The following NRG3 variants were observed in gnomAD, a reference collection of about 807,000 sequenced individuals.
The protein encoded by NRG3 is pro-neuregulin-3, membrane-bound isoform.
NRG3 carries 31 observed loss-of-function variants against 66.9 expected under a neutral mutation model. That is an observed-to-expected ratio of 0.46 (90% CI 0.35 to 0.63). The LOEUF is 0.63. Ranked by LOEUF, NRG3 falls within the 20% of genes least tolerant of loss-of-function variation. NRG3 has a pLI of 0.00. For synonymous variants in NRG3, 393 were observed against 359.4 expected (o/e 1.09, Z -1.06); for missense variants, 910 against 878.9 (o/e 1.04, Z -0.45).
intron 1 of NRG3, among the ~76,000 whole-genome samples, chr10:81,972,652 A>G (rs1304292043): frequency 6.6e-6 from 1 of 152,186 alleles, no homozygotes; most frequent in Non-Finnish European, 1.5e-5. Flanking sequence ...AACACAGAGA[A>G]AAAACAATGA....
chr10:81,943,065 C>T (rs1413358582), intron 1 of NRG3, among the ~76,000 whole-genome samples: 1 of 152,130 alleles, frequency 6.6e-6, no homozygotes, highest in Non-Finnish European at 1.5e-5. Context: ...CACTTTACAT[C>T]TCTTATTTAT....
At chr10:82,444,566 GA>G (rs1458939052) in intron 2 of NRG3, among the ~76,000 whole-genome samples, 1 of 152,142 alleles carries the variant, frequency 6.6e-6, no homozygotes, top group Non-Finnish European at 1.5e-5. Context: ...TACTAAGGTG[GA>G]GGGGGGAAAA....
At chr10:82,864,984 G>T (rs906385920) in intron 3 of NRG3, among the ~76,000 whole-genome samples, 1 of 152,060 alleles carries the variant, frequency 6.6e-6, no homozygotes, top group Non-Finnish European at 1.5e-5. Flanking sequence ...GAAATTCCTT[G>T]CTTATTCACT....
At position 82,459,567 on chromosome 10, in the gene NRG3, C is replaced by T. The variant is rs116945618; in HGVS notation, c.953+100699C>T. Among the ~76,000 whole-genome samples the T allele has an allele frequency of 5.7e-3, 864 of 152,224 alleles. 22 individuals are homozygous for T. The highest frequency in any genetic ancestry group is 0.026 in the East Asian group (137 of 5,174). ...CATATCTTCTCTCCCATCTTTCTGCCGGAGAAAAGAAAAACAGTGCTGCTC... is the reference window on the plus strand; with the variant it reads ...CATATCTTCTCTCCCATCTTTCTGCTGGAGAAAAGAAAAACAGTGCTGCTC... On this transcript the variant is annotated intron_variant, in intron 2 of 8. Transcript: ENST00000372141.
chr10:82,251,383 C>A (rs747571156), intron 1 of NRG3, among the ~76,000 whole-genome samples: 1 of 152,154 alleles, frequency 6.6e-6, no homozygotes, highest in Non-Finnish European at 1.5e-5. Flanking sequence ...TCCTGCTGAG[C>A]GACAGGAAGC....
At chr10:82,309,082 A>G (rs942179287) in intron 1 of NRG3, among the ~76,000 whole-genome samples, 1 of 152,218 alleles carries the variant, frequency 6.6e-6, no homozygotes, top group East Asian at 1.9e-4. Flanking sequence ...AATGCAAGAC[A>G]GGTCTTGCCA....
intron 1 of NRG3, among the ~76,000 whole-genome samples, chr10:82,081,356 A>G (rs1409589338): frequency 6.6e-6 from 1 of 152,194 alleles, no homozygotes; most frequent in African/African-American, 2.4e-5. Flanking sequence ...TTACATAGAC[A>G]GAAATGTTCT....
chr10:82,471,970 G>A (rs367797737), intron 2 of NRG3, among the ~76,000 whole-genome samples: 4 of 151,842 alleles, frequency 2.6e-5, no homozygotes, highest in African/African-American at 7.2e-5. Context: ...AAATAACCAA[G>A]CATCTACTGT....
At chr10:82,950,139 T>C (rs1016058181) in intron 4 of NRG3, among the ~76,000 whole-genome samples, 1 of 152,184 alleles carries the variant, frequency 6.6e-6, no homozygotes, top group African/African-American at 2.4e-5. Context: ...CAGTCTGTTT[T>C]TTATTAGGCT....
At chr10:81,983,594 C>T (rs2060415088) in intron 1 of NRG3, among the ~76,000 whole-genome samples, 1 of 152,094 alleles carries the variant, frequency 6.6e-6, no homozygotes, top group Non-Finnish European at 1.5e-5. Flanking sequence ...TAATTACTAC[C>T]TACTGTGTTC....
chr10:82,862,097 T>C (rs2064158586), intron 3 of NRG3, among the ~76,000 whole-genome samples: 1 of 152,118 alleles, frequency 6.6e-6, no homozygotes, highest in South Asian at 2.1e-4. Context: ...TAAAGCTCAG[T>C]GGGCCACTTT....
intron 3 of NRG3, among the ~76,000 whole-genome samples, chr10:82,758,908 T>C (rs1288739993): frequency 6.6e-6 from 1 of 151,648 alleles, no homozygotes; most frequent in Non-Finnish European, 1.5e-5. Flanking sequence ...AAAAGTCCTC[T>C]GTGGTGATAA....
chr10:82,133,705 A>G (rs1361005485), intron 1 of NRG3, among the ~76,000 whole-genome samples: 2 of 152,168 alleles, frequency 1.3e-5, no homozygotes, highest in African/African-American at 2.4e-5. Context: ...TATTGTGAAT[A>G]GTGCTGCAAT....
intron 1 of NRG3, among the ~76,000 whole-genome samples, chr10:82,107,289 A>G (rs1179612982): frequency 6.6e-6 from 1 of 152,208 alleles, no homozygotes; most frequent in East Asian, 1.9e-4. Flanking sequence ...TTAGATTAGG[A>G]TGATTCAACT....
intron 1 of NRG3, among the ~76,000 whole-genome samples, chr10:82,202,929 T>A (rs556635758): frequency 6.6e-6 from 1 of 152,348 alleles, no homozygotes; most frequent in African/African-American, 2.4e-5. Flanking sequence ...AAAGCACATT[T>A]GTGGACAACA....
chr10:82,477,346 T>C (rs1009869252), intron 2 of NRG3, among the ~76,000 whole-genome samples: 8 of 151,880 alleles, frequency 5.3e-5, no homozygotes, highest in Non-Finnish European at 1.2e-4. Context: ...GAGAAATAGG[T>C]TTATTGAGAT....
chr10:81,882,553 C>A (rs1262424224), intron 1 of NRG3, among the ~76,000 whole-genome samples: 1 of 152,094 alleles, frequency 6.6e-6, no homozygotes, highest in African/African-American at 2.4e-5. Context: ...AACTTCCTCC[C>A]CTGGTATAAT....
intron 2 of NRG3, among the ~76,000 whole-genome samples, chr10:82,447,243 G>T (rs2090775859): frequency 6.6e-6 from 1 of 152,138 alleles, no homozygotes; most frequent in Non-Finnish European, 1.5e-5. Flanking sequence ...TTCTGAGAAT[G>T]TTCTTCTATT....
intron 3 of NRG3, among the ~76,000 whole-genome samples, chr10:82,777,538 G>A (rs1053882972): frequency 6.6e-5 from 10 of 152,138 alleles, no homozygotes; most frequent in Non-Finnish European, 4.4e-5. Context: ...AAGCTAGGGT[G>A]GTGACTCTTA....
Sources: allele counts gnomAD v4.1 joint callset (sites outside exome capture counted in the v4.1 genomes callset), GRCh38; gene constraint gnomAD v4.1.1; transcripts MANE v1.5; gene names NCBI Gene and HGNC (gene_info 2026-07-23, HGNC 2026-07-21).